ATF6: variants seen among roughly 807,000 people sequenced by gnomAD.
The protein encoded by ATF6 is activating transcription factor 6.
A neutral mutation model predicts 83.6 loss-of-function variants in ATF6; 53 were observed. The ratio of observed to expected loss-of-function variants is 0.63; its 90% CI spans 0.51 to 0.80. The LOEUF (loss-of-function observed/expected upper bound fraction) is 0.80, where lower values mean the gene tolerates loss of function less well. ATF6 is among the 30% of genes least tolerant of loss of function. ATF6 has a pLI of 0.00. For synonymous variants in ATF6, 288 were observed against 285.8 expected, an observed-to-expected ratio of 1.01 and a Z score of -0.08; for missense variants, 744 against 797.9, an observed-to-expected ratio of 0.93 and a Z score of 0.81.
At chr1:161,838,892 C>A (rs1291807623) in intron 9 of ATF6, among the ~76,000 whole-genome samples, 1 of 152,042 alleles carries the variant, frequency 6.6e-6, no homozygotes, top group East Asian at 1.9e-4. Context: ...AATAAATTAC[C>A]CCCAGTTACT....
intron 14 of ATF6, among the ~76,000 whole-genome samples, chr1:161,871,166 G>T (rs1265728057): frequency 1.3e-5 from 2 of 151,652 alleles, no homozygotes; most frequent in East Asian, 3.8e-4. Flanking sequence ...TAGAGGTGGG[G>T]TTTGCAGAAA....
intron 15 of ATF6, among the ~76,000 whole-genome samples, chr1:161,915,348 A>G (rs1422094691): frequency 6.6e-6 from 1 of 152,244 alleles, no homozygotes; most frequent in East Asian, 1.9e-4. Flanking sequence ...GATATTAGTA[A>G]TACCTTCCTC....
In ATF6 at chr1:161,853,232, A is replaced by G. The variant is rs1686676343; in HGVS notation, c.1442A>G (p.His481Arg). ...INTTESLRLN[H>R]ELRGWVHRHE... is the part of the protein sequence containing the mutation. ...TAAACTATATTTTATAGGTTAAATCATGAACTTCGAGGATGGGTTCATAGA... is the reference window on the plus strand; with the variant it reads ...TAAACTATATTTTATAGGTTAAATCGTGAACTTCGAGGATGGGTTCATAGA... The change falls in exon 12 of 16, where the codon CAT (histidine) becomes CGT (arginine). Residue 481 changes from histidine to arginine, a missense_variant. By Grantham distance (29) the His-to-Arg change is conservative (BLOSUM62 0). Transcript: ENST00000367942. 4 of 1,602,664 alleles carry G rather than the reference A, an allele frequency of 2.5e-6. 1 individual carries two copies. Among genetic ancestry groups the G allele is most frequent in the Non-Finnish European group, 3.4e-6 (4 of 1,170,906 alleles).
At chr1:161,815,844 G>A (rs996067079) in intron 7 of ATF6, among the ~76,000 whole-genome samples, 33 of 152,268 alleles carry the variant, frequency 2.2e-4, no homozygotes, top group African/African-American at 7.7e-4. Context: ...GGAGCCTGAG[G>A]CTGGAGGATC....
intron 15 of ATF6, among the ~76,000 whole-genome samples, chr1:161,954,537 T>C (rs1688928619): frequency 6.6e-6 from 1 of 152,216 alleles, no homozygotes; most frequent in Non-Finnish European, 1.5e-5. Context: ...TGTAAATGTT[T>C]TGGATATTTA....
intron 9 of ATF6, among the ~76,000 whole-genome samples, chr1:161,835,994 CTT>C (rs1035091730): frequency 3.3e-4 from 50 of 152,170 alleles, no homozygotes; most frequent in African/African-American, 1.1e-3. Flanking sequence ...GGTCTGGAAT[CTT>C]TATAGTTTGA....
At position 161,951,570 on chromosome 1, in the gene ATF6, G is replaced by A. The variant is rs145651577; in HGVS notation, c.1805-6876G>A. ...ATGTTCTCTCTGAATTTATGGAGTG[G>A]ATAGTCTAGTAGGGGTGACACACAT... is the stretch of plus-strand genomic sequence containing the variant. On this transcript the variant is annotated intron_variant, in intron 15 of 15. Transcript: ENST00000367942. Among the ~76,000 whole-genome samples, 414 of 152,304 alleles carry A rather than the reference G, an allele frequency of 2.7e-3. 1 individual carries two copies. The highest frequency in any genetic ancestry group is 4.7e-3 in the Non-Finnish European group (319 of 68,022).
intron 12 of ATF6, among the ~76,000 whole-genome samples, chr1:161,858,164 A>G (rs1433468090): frequency 2.0e-5 from 3 of 152,158 alleles, no homozygotes; most frequent in East Asian, 1.9e-4. Context: ...AAAATGGAAT[A>G]CTAAAAAATA....
intron 12 of ATF6, among the ~76,000 whole-genome samples, chr1:161,856,825 T>A (rs3767633): frequency 0.9 from 137,610 of 152,254 alleles, 62,356 homozygotes; most frequent in African/African-American, 0.97. Flanking sequence ...GTATTCTTTA[T>A]TCTTAAAGGA....
rs1415643876 is a variant in ATF6 at position 161,959,645 on chromosome 1, G to C, written c.*991G>C. 7.2e-6 allele frequency: 1 copy of C among 138,308 alleles called. No individual in the cohort carries two copies. The highest frequency in any genetic ancestry group is 2.7e-5 in the African/African-American group (1 of 36,944). The allele number at this position is 138,308 out of a possible 1,614,324, so 8.6% of individuals were successfully genotyped here. A position where few individuals can be genotyped will look rare whatever the true frequency, so the allele number is the denominator to read the frequency against. ...AGATCCCGCCACTGCACTCCAGCCT[G>C]GGCGACAGAGCGAGACTCCGTCTCA... On this transcript the variant is annotated 3_prime_UTR_variant, in exon 16 of 16. Transcript: ENST00000367942.
At chr1:161,940,207 C>T (rs1688616299) in intron 15 of ATF6, among the ~76,000 whole-genome samples, 1 of 152,122 alleles carries the variant, frequency 6.6e-6, no homozygotes, top group South Asian at 2.1e-4. Context: ...TTAACTTTAC[C>T]TTCAAAATGG....
intron 9 of ATF6, among the ~76,000 whole-genome samples, chr1:161,842,833 A>G (rs555746157): frequency 6.6e-6 from 1 of 152,324 alleles, no homozygotes; most frequent in South Asian, 2.1e-4. Flanking sequence ...GTGGTGGTTT[A>G]AATCAAGGAA....
intron 9 of ATF6, among the ~76,000 whole-genome samples, chr1:161,842,135 C>A (rs1249105865): frequency 6.6e-6 from 1 of 152,166 alleles, no homozygotes; most frequent in Non-Finnish European, 1.5e-5. Flanking sequence ...CAAACTCCCC[C>A]AGTCCCTATT....
At chr1:161,834,115 G>A (rs1170052986) in intron 9 of ATF6, among the ~76,000 whole-genome samples, 1 of 152,142 alleles carries the variant, frequency 6.6e-6, no homozygotes, top group Non-Finnish European at 1.5e-5. Context: ...CATTCCTAAA[G>A]AAAAGAATTT....
intron 14 of ATF6, among the ~76,000 whole-genome samples, chr1:161,883,844 A>G (rs1687367340): frequency 6.6e-6 from 1 of 152,048 alleles, no homozygotes; most frequent in Non-Finnish European, 1.5e-5. Context: ...ATAGGAATCC[A>G]CAGGTTGTTA....
chr1:161,861,796 G>C (rs1329624919), intron 13 of ATF6, among the ~76,000 whole-genome samples: 1 of 152,158 alleles, frequency 6.6e-6, no homozygotes, highest in African/African-American at 2.4e-5. Flanking sequence ...CCTTTTCACA[G>C]TCCACATTTT....
chr1:161,919,189 A>G (rs1014053441), intron 15 of ATF6, among the ~76,000 whole-genome samples: 29 of 152,210 alleles, frequency 1.9e-4, no homozygotes, highest in African/African-American at 7.0e-4. Flanking sequence ...GTGAAGCTGC[A>G]AGAAAGTAAG....
intron 15 of ATF6, among the ~76,000 whole-genome samples, chr1:161,930,316 C>G (rs1007758401): frequency 3.3e-5 from 5 of 152,264 alleles, no homozygotes; most frequent in African/African-American, 1.2e-4. Flanking sequence ...CAAGTTGCAG[C>G]AGGGGAAATA....
chr1:161,854,864 T>TA (rs1686723534), intron 12 of ATF6, among the ~76,000 whole-genome samples: 1 of 148,750 alleles, frequency 6.7e-6, no homozygotes, highest in Non-Finnish European at 1.5e-5. Flanking sequence ...AGACTCCGTC[T>TA]AAAAAAGAAA....
Sources: gnomAD v4.1 joint callset for allele counts (sites outside exome capture counted in the v4.1 genomes callset) on GRCh38, gnomAD v4.1.1 for gene constraint, MANE v1.5 for transcripts, NCBI Gene and HGNC (gene_info 2026-07-23, HGNC 2026-07-21) for gene names.